PBX1: variants seen among roughly 807,000 people sequenced by gnomAD.
PBX1 encodes pre-B-cell leukemia transcription factor 1.
PBX1 carries 6 observed loss-of-function variants against 53.4 expected under a neutral mutation model. That is an observed-to-expected ratio of 0.11 (90% CI 0.06 to 0.22). The LOEUF is 0.22. Ranked by LOEUF, PBX1 falls within the 10% of genes least tolerant of loss-of-function variation. PBX1 has a pLI of 1.00. For synonymous variants in PBX1, 204 were observed against 212.3 expected (o/e 0.96, Z 0.34); for missense variants, 251 against 551.4 (o/e 0.46, Z 5.46).
In PBX1 at chr1:164,628,285, A is replaced by G. The variant is rs528735539; in HGVS notation, c.265+64974A>G. ...AGTTTACAACTGATACTTTAGAAGC[A>G]TATTTTTTGAGTAAGGTAAGGGATA... On this transcript the variant is annotated intron_variant, in intron 2 of 8. Coordinates refer to ENST00000420696, the MANE Select transcript of PBX1 (RefSeq NM_002585.4). Among the ~76,000 whole-genome samples, 16 of 152,340 alleles carry G rather than the reference A, an allele frequency of 1.1e-4. 1 individual carries two copies. In the South Asian group the frequency reaches 3.1e-3, roughly 30 times the overall value.
chr1:164,576,006 C>A (rs1654205779), intron 2 of PBX1, among the ~76,000 whole-genome samples: 1 of 152,096 alleles, frequency 6.6e-6, no homozygotes, highest in African/African-American at 2.4e-5. Flanking sequence ...AAAGAAAAAA[C>A]AAAACCCAGC....
intron 2 of PBX1, among the ~76,000 whole-genome samples, chr1:164,870,281 C>CTTTCTT (rs1672335579): frequency 2.5e-4 from 6 of 23,724 alleles, no homozygotes; most frequent in Admixed American, 9.2e-4. Flanking sequence ...TTCTTTCTTT[C>CTTTCTT]TTTCTTTCTT....
chr1:164,607,607 C>T (rs1292140728), intron 2 of PBX1, among the ~76,000 whole-genome samples: 4 of 152,042 alleles, frequency 2.6e-5, no homozygotes, highest in Non-Finnish European at 5.9e-5. Flanking sequence ...AGAGAGAGGT[C>T]AGGGCTAGAG....
chr1:164,881,307 A>G (rs1672642444), intron 2 of PBX1, among the ~76,000 whole-genome samples: 1 of 53,868 alleles, frequency 1.9e-5, no homozygotes, highest in Non-Finnish European at 5.5e-5. Context: ...GAAAGAGGGA[A>G]GGAAGGAAGG....
chr1:164,608,568 G>A (rs1656703759), intron 2 of PBX1, among the ~76,000 whole-genome samples: 1 of 152,210 alleles, frequency 6.6e-6, no homozygotes, highest in Non-Finnish European at 1.5e-5. Context: ...TAGGCCATAT[G>A]TTGTCATCTC....
At chr1:164,687,052 A>G (rs1046699812) in intron 2 of PBX1, among the ~76,000 whole-genome samples, 2 of 152,204 alleles carry the variant, frequency 1.3e-5, no homozygotes, top group Non-Finnish European at 2.9e-5. Flanking sequence ...AACTCAAGCT[A>G]CTTAATAACA....
At chr1:164,798,025 T>C (rs1668870787) in intron 3 of PBX1, among the ~76,000 whole-genome samples, 3 of 152,124 alleles carry the variant, frequency 2.0e-5, no homozygotes, top group Non-Finnish European at 4.4e-5. Context: ...TGCTGAAGGG[T>C]CAGGAATGAT....
At position 164,758,205 on chromosome 1, in the gene PBX1, C is replaced by T. The variant is rs563446124; in HGVS notation, c.266-34289C>T. Among the ~76,000 whole-genome samples the T allele has an allele frequency of 3.3e-5, 5 of 152,332 alleles. No individual in the cohort carries two copies. In the East Asian group the frequency reaches 9.6e-4, roughly 29 times the overall value. On this transcript the variant is annotated intron_variant, in intron 2 of 8. Transcript: ENST00000420696. ...TTTCATCCCTTACAGAATCACAGAT[C>T]TGTGAGCGGAACGTTGTGTTCACAA...
chr1:164,697,046 T>C (rs1189021414), intron 2 of PBX1, among the ~76,000 whole-genome samples: 1 of 152,232 alleles, frequency 6.6e-6, no homozygotes, highest in Non-Finnish European at 1.5e-5. Context: ...GGGGATAATA[T>C]CACCTACTTC....
intron 5 of PBX1, among the ~76,000 whole-genome samples, chr1:164,810,737 A>G (rs1669567195): frequency 6.6e-6 from 1 of 152,178 alleles, no homozygotes. Flanking sequence ...AAATACACCC[A>G]AAAGTGTCCT....
At chr1:164,693,658 C>T (rs1662631223) in intron 2 of PBX1, among the ~76,000 whole-genome samples, 3 of 152,144 alleles carry the variant, frequency 2.0e-5, no homozygotes, top group African/African-American at 7.2e-5. Context: ...GTGCTGTCAT[C>T]TAGCATATCT....
chr1:164,711,325 G>A (rs981896860), intron 2 of PBX1, among the ~76,000 whole-genome samples: 5 of 152,114 alleles, frequency 3.3e-5, no homozygotes, highest in Admixed American at 2.0e-4. Context: ...GTGCAGTGGC[G>A]CGATCTCGGC....
At chr1:164,827,408 A>C (rs557547581) in intron 8 of PBX1, among the ~76,000 whole-genome samples, 9 of 152,348 alleles carry the variant, frequency 5.9e-5, no homozygotes, top group Non-Finnish European at 1.3e-4. Context: ...TGCTATGACC[A>C]GGAACTAGTG....
intron 2 of PBX1, among the ~76,000 whole-genome samples, chr1:164,685,136 C>T (rs1662025473): frequency 6.6e-6 from 1 of 152,092 alleles, no homozygotes; most frequent in African/African-American, 2.4e-5. Context: ...TTTTCTGAAT[C>T]CAGGGTTCTA....
intron 2 of PBX1, among the ~76,000 whole-genome samples, chr1:164,731,866 C>T (rs1005609625): frequency 2.6e-5 from 4 of 152,164 alleles, no homozygotes; most frequent in African/African-American, 9.7e-5. Flanking sequence ...CTCTATGTAT[C>T]GCCTGGGCCC....
chr1:164,716,729 C>CACACACACAG (rs796685795), intron 2 of PBX1, among the ~76,000 whole-genome samples: 161 of 140,448 alleles, frequency 1.1e-3, no homozygotes, highest in African/African-American at 3.9e-3. Context: ...CACACACACA[C>CACACACACAG]AGAAATACAC....
intron 2 of PBX1, among the ~76,000 whole-genome samples, chr1:164,715,792 C>A (rs1025005420): frequency 6.6e-6 from 1 of 152,164 alleles, no homozygotes; most frequent in Non-Finnish European, 1.5e-5. Flanking sequence ...CCGGGATAAA[C>A]TCTTCCTCTC....
intron 2 of PBX1, chr1:164,700,661 G>A: frequency 2.0e-5 from 20 of 985,374 alleles, no homozygotes; most frequent in Non-Finnish European, 2.4e-5. Flanking sequence ...GTCAGGTGGA[G>A]ACCCTGCAGC....
chr1:164,763,837 CT>C (rs970393986), intron 2 of PBX1, among the ~76,000 whole-genome samples: 3 of 152,226 alleles, frequency 2.0e-5, no homozygotes, highest in African/African-American at 7.2e-5. Context: ...GGTGAGCAAT[CT>C]GTGGAGACAA....
Sources: allele counts gnomAD v4.1 joint callset (sites outside exome capture counted in the v4.1 genomes callset), GRCh38; gene constraint gnomAD v4.1.1; transcripts MANE v1.5; gene names NCBI Gene and HGNC (gene_info 2026-07-23, HGNC 2026-07-21).